The following PIP5K1C variants were observed in gnomAD, a reference collection of about 807,000 sequenced individuals.
The protein encoded by PIP5K1C is phosphatidylinositol-4-phosphate 5-kinase type 1 gamma.
In PIP5K1C, 45 loss-of-function variants were observed where a neutral mutation model predicts 80.1. That is an observed-to-expected ratio of 0.56 (90% CI 0.44 to 0.72). The LOEUF (loss-of-function observed/expected upper bound fraction) is 0.72, where lower values mean the gene tolerates loss of function less well. Ranked by LOEUF, PIP5K1C falls within the 30% of genes least tolerant of loss-of-function variation. The pLI, the probability that PIP5K1C is intolerant of heterozygous loss-of-function variation, is 0.00. For synonymous variants in PIP5K1C, 498 were observed against 420.1 expected (o/e 1.19, Z -2.27); for missense variants, 753 against 954.6 (o/e 0.79, Z 2.78).
chr19:3,697,636 G>C (rs1014612169), intron 1 of PIP5K1C, among the ~76,000 whole-genome samples: 13 of 152,234 alleles, frequency 8.5e-5, no homozygotes, highest in Admixed American at 2.0e-4. Context: ...AGCCGTGGAA[G>C]TGGGGCAGGG....
At chr19:3,663,024 C>G (rs373584031) in intron 3 of PIP5K1C, among the ~76,000 whole-genome samples, 1 of 151,948 alleles carries the variant, frequency 6.6e-6, no homozygotes, top group African/African-American at 2.4e-5. Flanking sequence ...GCACACCCGG[C>G]TAATTATTTT....
At chr19:3,678,005 AGATGGAGG>A (rs1264638399) in intron 1 of PIP5K1C, among the ~76,000 whole-genome samples, 5 of 78,804 alleles carry the variant, frequency 6.3e-5, no homozygotes, top group Non-Finnish European at 1.3e-4. Context: ...AGGGATGGAC[AGATGGAGG>A]GATGGAGAGA....
At position 3,631,155 on chromosome 19, in the gene PIP5K1C, G is replaced by A. The variant is rs963704979; in HGVS notation, c.*2012C>T. The A allele has an allele frequency of 1.3e-5, 2 of 152,360 alleles. No individual in the cohort carries two copies. The highest frequency in any genetic ancestry group is 6.5e-5 in the Admixed American group (1 of 15,286). The allele number at this position is 152,360 out of a possible 1,614,324, so 9.4% of individuals were successfully genotyped here. A position where few individuals can be genotyped will look rare whatever the true frequency, so the allele number is the denominator to read the frequency against. ...TGTCCCGTGTCACTCAGCGGAGGGA[G>A]GCTGCCCTGGACGCGGTGCCGCCCG... On this transcript the variant is annotated 3_prime_UTR_variant, in exon 18 of 18. Coordinates refer to ENST00000335312, the MANE Select transcript of PIP5K1C (RefSeq NM_012398.3).
Position 3,669,222 on chromosome 19 carries a change from G to A in PIP5K1C, c.95-1869C>T, listed in dbSNP as rs145857749. Among the ~76,000 whole-genome samples, 103 of 152,284 alleles carry A rather than the reference G, an allele frequency of 6.8e-4. 1 individual carries two copies. The East Asian group carries it at 0.018, about 27-fold the overall frequency. Reference sequence around the variant, plus strand: ...GAGCCCGTGGAGACACTCAGGCTGCGCCGGAGTGTGTGCAGGAGGGTGCGG... The same window carrying A: ...GAGCCCGTGGAGACACTCAGGCTGCACCGGAGTGTGTGCAGGAGGGTGCGG... On this transcript the variant is annotated intron_variant, in intron 1 of 17. Transcript: ENST00000335312.
At chr19:3,665,375 C>T (rs1225634867) in intron 2 of PIP5K1C, among the ~76,000 whole-genome samples, 1 of 152,182 alleles carries the variant, frequency 6.6e-6, no homozygotes, top group African/African-American at 2.4e-5. Flanking sequence ...CCACACAACT[C>T]TGCAAATGTA....
chr19:3,684,132 G>A (rs1485339329), intron 1 of PIP5K1C, among the ~76,000 whole-genome samples: 1 of 152,112 alleles, frequency 6.6e-6, no homozygotes, highest in Non-Finnish European at 1.5e-5. Flanking sequence ...GTCACCCACT[G>A]GACCTCAGGA....
rs563552468 is a variant in PIP5K1C at position 3,631,887 on chromosome 19, C to T, written c.*1280G>A. 6.6e-6 allele frequency: 1 copy of T among 152,398 alleles called. No individual in the cohort carries two copies. The highest frequency in any genetic ancestry group is 1.9e-4 in the East Asian group (1 of 5,172). The allele number at this position is 152,398 out of a possible 1,614,324, so 9.4% of individuals were successfully genotyped here. The stretch of plus-strand genomic sequence containing the variant: ...CAAAGGTGCAGCTTCCACTCCAGCT[C>T]CTCACATCCTGGGCACATCTTGGAA... On this transcript the variant is annotated 3_prime_UTR_variant, in exon 18 of 18. Transcript: ENST00000335312.
chr19:3,687,332 A>G (rs572159883), intron 1 of PIP5K1C, among the ~76,000 whole-genome samples: 4 of 152,358 alleles, frequency 2.6e-5, no homozygotes, highest in African/African-American at 9.6e-5. Flanking sequence ...ACTGCACTCC[A>G]GCCTGGGTGG....
intron 3 of PIP5K1C, among the ~76,000 whole-genome samples, chr19:3,663,458 C>T (rs2034904290): frequency 6.6e-6 from 1 of 151,656 alleles, no homozygotes; most frequent in Non-Finnish European, 1.5e-5. Context: ...GACATGTGCC[C>T]AAAGATAACA....
chr19:3,652,070 G>A (rs770428031), intron 7 of PIP5K1C, 39 bp from the exon 8 acceptor site: 49 of 1,596,996 alleles, frequency 3.1e-5, no homozygotes, highest in African/African-American at 2.1e-4. Context: ...GCCGTCAGCC[G>A]TCTCTATCCC....
At position 3,641,723 on chromosome 19, in the gene PIP5K1C, G is replaced by A. The variant is rs773538890; in HGVS notation, c.1769C>T (p.Pro590Leu). Residue 590 changes from proline to leucine, a missense_variant, in exon 15 of 18, where the codon CCC becomes CTC. Physicochemically the swap from Pro to Leu is moderately conservative, Grantham distance 98. This residue lies in a region of PIP5K1C where 315 missense variants were observed against 294.5 expected (regional missense o/e 1.07). Transcript: ENST00000335312. ...TGCTCACCCTGCGTCCTCCTCTTTG[G>A]GGACCACAATCTCCACGCTGCACGC... ...EPACSVEIVV[P>L]KEEDAGVEAS... 4 of 1,609,256 alleles carry A rather than the reference G, an allele frequency of 2.5e-6. No homozygotes were observed. The East Asian group carries it at 6.7e-5, about 27-fold the overall frequency.
In PIP5K1C at chr19:3,637,028, A is replaced by G. The variant is rs1015044271; in HGVS notation, c.1920+1856T>C. ...GGGGAGCCGAGGCCTCAGCGCCTCC[A>G]TCTGTGAGGTGGGTGTGGAGAGACC... On this transcript the variant is annotated intron_variant, in intron 16 of 17. Coordinates refer to ENST00000335312, the MANE Select transcript of PIP5K1C (RefSeq NM_012398.3). This position sits in a 1 kb window ranked among gnomAD's most constrained non-coding sequence, Gnocchi z 7.0. 14 of 1,061,786 alleles carry G rather than the reference A, an allele frequency of 1.3e-5. No individual in the cohort carries two copies. Among genetic ancestry groups the G allele is most frequent in the Non-Finnish European group, 1.6e-5 (14 of 877,282 alleles). 65.8% of individuals were successfully genotyped at this position (1,061,786 alleles called of 1,614,324 possible).
chr19:3,651,055 G>T (rs1403307257), intron 8 of PIP5K1C, among the ~76,000 whole-genome samples: 14 of 127,292 alleles, frequency 1.1e-4, no homozygotes, highest in Non-Finnish European at 1.4e-4. Context: ...CGCGCCCAGC[G>T]TTTTTTTTTT....
At chr19:3,641,609 G>A (rs1461997651) in intron 15 of PIP5K1C, 96 bp downstream of exon 15, 11 of 872,394 alleles carry the variant, frequency 1.3e-5, no homozygotes, top group Middle Eastern at 3.2e-4. Context: ...AACCTAGTAA[G>A]AAAGAACTGC....
Position 3,700,307 on chromosome 19 carries a change from C to CT in PIP5K1C, c.83_84insA (p.Ala29GlyfsTer126). On this transcript the variant is annotated frameshift_variant, in exon 1 of 18. Coordinates refer to ENST00000335312, the MANE Select transcript of PIP5K1C (RefSeq NM_012398.3). LOFTEE classifies it high-confidence loss of function. The stretch of plus-strand genomic sequence containing the variant: ...AGGCCGGGCCGTTACCTGCCGCCGC[C>CT]CCGCTCTCTGCCGCCCACGCCGCCT... 7.8e-7 allele frequency: 1 copy of CT among 1,286,576 alleles called. No individual in the cohort carries two copies. The highest frequency in any genetic ancestry group is 1.5e-5 in the South Asian group (1 of 64,894). 79.7% of individuals were successfully genotyped at this position (1,286,576 alleles called of 1,614,324 possible). A position where few individuals can be genotyped will look rare whatever the true frequency, so the allele number is the denominator to read the frequency against.
chr19:3,664,605 C>A (rs1373618117), intron 3 of PIP5K1C, among the ~76,000 whole-genome samples: 3 of 152,196 alleles, frequency 2.0e-5, no homozygotes, highest in Admixed American at 2.0e-4. Flanking sequence ...GGCTGAGCCA[C>A]AGAACATGCT....
chr19:3,699,295 G>T (rs1053249941), intron 1 of PIP5K1C, among the ~76,000 whole-genome samples: 1 of 150,514 alleles, frequency 6.6e-6, no homozygotes, highest in Admixed American at 6.6e-5. Context: ...GTTCCAGATG[G>T]CCGCCGGGAG....
chr19:3,676,325 G>A (rs139888106), intron 1 of PIP5K1C, among the ~76,000 whole-genome samples: 79 of 152,262 alleles, frequency 5.2e-4, no homozygotes, highest in Non-Finnish European at 8.7e-4. Flanking sequence ...ACTGTCACCC[G>A]GTACATCCGC....
In PIP5K1C at chr19:3,648,587, G is replaced by A. The variant is rs1164111033; in HGVS notation, c.1211+38C>T. Reference sequence around the variant, plus strand: ...GCCCACCTGTGGGACTGCAGACCCGGGGCGTCCACCTGTAGGACTGCAGAC... The same window carrying A: ...GCCCACCTGTGGGACTGCAGACCCGAGGCGTCCACCTGTAGGACTGCAGAC... On this transcript the variant is annotated intron_variant, in intron 9 of 17. Transcript: ENST00000335312. This position sits in a 1 kb window ranked among gnomAD's most constrained non-coding sequence, Gnocchi z 4.3. 1 of 1,566,840 alleles carries A rather than the reference G, an allele frequency of 6.4e-7. No individual in the cohort carries two copies. The highest frequency in any genetic ancestry group is 1.4e-5 in the African/African-American group (1 of 73,844).
Sources: gnomAD v4.1 joint callset for allele counts (sites outside exome capture counted in the v4.1 genomes callset) on GRCh38, gnomAD v4.1.1 for gene constraint, gnomAD v4.1.1 regional missense constraint, Gnocchi (gnomAD v3.1) non-coding constraint, MANE v1.5 for transcripts, NCBI Gene and HGNC (gene_info 2026-07-23, HGNC 2026-07-21) for gene names.